Variants in MTA3 observed in about 807,000 individuals in gnomAD.
The protein encoded by MTA3 is metastasis associated 1 family member 3.
A neutral mutation model predicts 83.5 loss-of-function variants in MTA3; 34 were observed. The observed-to-expected ratio is 0.41, with a 90% CI of 0.31 to 0.54. The LOEUF (loss-of-function observed/expected upper bound fraction) is 0.54. Ranked by LOEUF, MTA3 falls within the 20% of genes least tolerant of loss-of-function variation. The pLI, the probability that MTA3 is intolerant of heterozygous loss-of-function variation, is 0.33. For synonymous variants in MTA3, 303 were observed against 252.7 expected, an observed-to-expected ratio of 1.20 and a Z score of -1.89; for missense variants, 761 against 726.4, an observed-to-expected ratio of 1.05 and a Z score of -0.55.
intron 6 of MTA3, among the ~76,000 whole-genome samples, chr2:42,646,132 G>T (rs1314393620): frequency 1.3e-5 from 2 of 152,152 alleles, no homozygotes; most frequent in African/African-American, 4.8e-5. Context: ...TTTACAGTAT[G>T]GTTTACTGAA....
At chr2:42,727,962 A>G (rs1667945026) in intron 16 of MTA3, among the ~76,000 whole-genome samples, 1 of 152,098 alleles carries the variant, frequency 6.6e-6, no homozygotes, top group South Asian at 2.1e-4. Context: ...CAGACAGTGC[A>G]ATTTTACTCT....
chr2:42,615,115 A>G (rs1684699690), intron 4 of MTA3, among the ~76,000 whole-genome samples: 1 of 151,962 alleles, frequency 6.6e-6, no homozygotes, highest in Non-Finnish European at 1.5e-5. Context: ...ACGTGGCGAA[A>G]CCCCATCTCT....
chr2:42,695,606 G>T (rs192594211), intron 9 of MTA3, among the ~76,000 whole-genome samples, 159 bp from the exon 10 acceptor site: 1 of 113,454 alleles, frequency 8.8e-6, no homozygotes, highest in Admixed American at 1.3e-4. Context: ...CTGCACTTCA[G>T]CCTGGGCAAC....
chr2:42,579,082 G>T (rs1468356435), intron 2 of MTA3, 25 bp from the exon 3 acceptor site: 2 of 1,509,232 alleles, frequency 1.3e-6, no homozygotes, highest in Non-Finnish European at 1.8e-6. Context: ...CAGTGCAAAT[G>T]ACTTTTATTT....
At chr2:42,530,841 T>G (rs1444503298) in intron 2 of MTA3, among the ~76,000 whole-genome samples, 3 of 152,132 alleles carry the variant, frequency 2.0e-5, no homozygotes, top group Admixed American at 6.6e-5. Flanking sequence ...TGTTTGTTTG[T>G]TTTTTTGAGA....
intron 6 of MTA3, 136 bp downstream of exon 6, chr2:42,644,380 T>G (rs1573449154): frequency 3.7e-6 from 2 of 546,722 alleles, no homozygotes; most frequent in East Asian, 6.3e-5. Context: ...TACTGTTCTT[T>G]GTAAAAAATA....
At chr2:42,747,926 C>T (rs1202219710) in intron 16 of MTA3, among the ~76,000 whole-genome samples, 4 of 152,174 alleles carry the variant, frequency 2.6e-5, no homozygotes, top group Non-Finnish European at 5.9e-5. Flanking sequence ...TTCTTGCACC[C>T]CATTATAATC....
chr2:42,538,844 G>A (rs1308384167), intron 2 of MTA3, among the ~76,000 whole-genome samples: 2 of 143,458 alleles, frequency 1.4e-5, no homozygotes, highest in Admixed American at 7.2e-5. Context: ...GCGCAATCTC[G>A]GCTCACTGCA....
intron 2 of MTA3, among the ~76,000 whole-genome samples, chr2:42,550,761 G>A (rs1677071198): frequency 6.6e-6 from 1 of 152,088 alleles, no homozygotes; most frequent in South Asian, 2.1e-4. Context: ...ATGATAGAGG[G>A]CCAGGCACAG....
intron 8 of MTA3, among the ~76,000 whole-genome samples, chr2:42,673,453 C>G (rs942358162): frequency 1.3e-5 from 2 of 152,086 alleles, no homozygotes; most frequent in African/African-American, 4.8e-5. Flanking sequence ...TATTTTCAAC[C>G]TATGATGAGT....
chr2:42,670,914 G>A (rs2104405952), intron 8 of MTA3, among the ~76,000 whole-genome samples: 1 of 152,030 alleles, frequency 6.6e-6, no homozygotes, highest in Admixed American at 6.6e-5. Context: ...CCTTGTTACA[G>A]TACTGTTGTC....
chr2:42,640,939 C>T (rs746554413), intron 5 of MTA3, among the ~76,000 whole-genome samples: 1 of 152,124 alleles, frequency 6.6e-6, no homozygotes, highest in Non-Finnish European at 1.5e-5. Context: ...CAAAGTCTTG[C>T]TCTGTCCCCC....
chr2:42,633,109 A>C (rs2104266062), intron 4 of MTA3, among the ~76,000 whole-genome samples: 1 of 152,092 alleles, frequency 6.6e-6, no homozygotes, highest in South Asian at 2.1e-4. Flanking sequence ...GTAAAAATAC[A>C]AAAATTAGCT....
chr2:42,513,110 A>C (rs190788428), intron 2 of MTA3, among the ~76,000 whole-genome samples: 1 of 152,154 alleles, frequency 6.6e-6, no homozygotes, highest in African/African-American at 2.4e-5. Context: ...TAAATAACCA[A>C]CTGGGCATAC....
At chr2:42,500,271 C>T (rs1036411457) in intron 2 of MTA3, among the ~76,000 whole-genome samples, 6 of 152,042 alleles carry the variant, frequency 3.9e-5, no homozygotes, top group South Asian at 4.2e-4. Context: ...TGGTGGTGGG[C>T]GCCTGTAATA....
chr2:42,733,815 T>G (rs1449874204), intron 16 of MTA3, among the ~76,000 whole-genome samples: 1 of 152,216 alleles, frequency 6.6e-6, no homozygotes, highest in Non-Finnish European at 1.5e-5. Context: ...GCATATTGTT[T>G]AATTTCCATG....
At chr2:42,722,338 G>T (rs1667472185) in intron 15 of MTA3, among the ~76,000 whole-genome samples, 2 of 152,132 alleles carry the variant, frequency 1.3e-5, no homozygotes, top group South Asian at 4.1e-4. Flanking sequence ...TCTACCTCTT[G>T]ACTATTGTAT....
chr2:42,518,991 A>G (rs1675287134), intron 2 of MTA3, among the ~76,000 whole-genome samples: 1 of 128,764 alleles, frequency 7.8e-6, no homozygotes, highest in African/African-American at 3.1e-5. Flanking sequence ...ACACACACAC[A>G]CACACACACA....
chr2:42,608,472 C>T (rs1683774065), intron 3 of MTA3, among the ~76,000 whole-genome samples: 1 of 152,186 alleles, frequency 6.6e-6, no homozygotes, highest in Admixed American at 6.5e-5. Flanking sequence ...GTTTAAGGTT[C>T]ATTTTCAATT....
Sources: gnomAD v4.1 joint callset for allele counts (sites outside exome capture counted in the v4.1 genomes callset) on GRCh38, gnomAD v4.1.1 for gene constraint, MANE v1.5 for transcripts, NCBI Gene and HGNC (gene_info 2026-07-23, HGNC 2026-07-21) for gene names.